Variants in ABI3BP observed in about 807,000 individuals in gnomAD.
ABI3BP encodes the protein target of Nesh-SH3.
In ABI3BP, 216 loss-of-function variants were observed where a neutral mutation model predicts 268.6. The ratio of observed to expected loss-of-function variants is 0.80; its 90% CI spans 0.72 to 0.90. The LOEUF is 0.90. ABI3BP is among the 40% of genes least tolerant of loss of function. The probability of loss-of-function intolerance (pLI) is 0.00; values close to 1 mark genes in which losing one functional copy is unlikely to be tolerated. For synonymous variants in ABI3BP, 730 were observed against 730.0 expected, an observed-to-expected ratio of 1.00 and a Z score of 0.00; for missense variants, 2,090 against 2,182.4, an observed-to-expected ratio of 0.96 and a Z score of 0.84.
chr3:100,848,855 T>C lies in ABI3BP; in HGVS notation c.1522A>G (p.Ile508Val), dbSNP rs1379195468. Residue 508 changes from isoleucine (I) to valine (V), a missense_variant, in exon 18 of 68, where the codon ATC becomes GTC. By Grantham distance (29) the Ile-to-Val change is conservative. Coordinates refer to ENST00000471714, the MANE Select transcript of ABI3BP (RefSeq NM_001375547.2). ...GGGCGTCGTTTAGGTGTAGAAGGGA[T>C]AGATGTAGTTTGCTGGGGAGCTGAA... ...TTPAPQQTTS[I>V]PSTPKRRPRP... The C allele has an allele frequency of 6.2e-7, 1 of 1,612,986 alleles. No homozygotes were observed. Among genetic ancestry groups the C allele is most frequent in the Non-Finnish European group, 8.5e-7 (1 of 1,179,306 alleles).
At chr3:100,816,386 G>T in intron 43 of ABI3BP, 1 of 507,394 alleles carries the variant, frequency 2.0e-6, no homozygotes. Context: ...ATGTTTCAAT[G>T]CAGATATAGC....
intron 17 of ABI3BP, 111 bp from the exon 18 acceptor site, chr3:100,848,986 T>C (rs147756704): frequency 2.8e-4 from 245 of 863,436 alleles, no homozygotes; most frequent in African/African-American, 2.1e-3. Context: ...TATTTCCTTG[T>C]ATCCTTAGAA....
chr3:100,844,220 A>G (rs529131238), intron 20 of ABI3BP: 3 of 985,438 alleles, frequency 3.0e-6, no homozygotes, highest in South Asian at 9.4e-5. Flanking sequence ...ACAATTTACA[A>G]TTCTATCCAC....
At chr3:100,898,937 G>A in intron 3 of ABI3BP, 43 bp from the exon 4 acceptor site, 1 of 1,545,876 alleles carries the variant, frequency 6.5e-7, no homozygotes, top group South Asian at 1.2e-5. Flanking sequence ...GAGACATTTA[G>A]TAAGTTGCCA....
At chr3:100,846,320 AC>A (rs2098767911) in intron 20 of ABI3BP, 51 bp downstream of exon 20, 1 of 1,209,706 alleles carries the variant, frequency 8.3e-7, no homozygotes, top group Non-Finnish European at 1.2e-6. Context: ...ATTGCAAAGA[AC>A]TTGTTTTCAA....
chr3:100,975,937 C>T (rs954290319), intron 1 of ABI3BP, among the ~76,000 whole-genome samples: 2 of 152,162 alleles, frequency 1.3e-5, no homozygotes, highest in African/African-American at 4.8e-5. Flanking sequence ...TCCTGACTGG[C>T]CGAGGAACTG....
At chr3:100,912,400 A>G (rs932845760) in intron 2 of ABI3BP, among the ~76,000 whole-genome samples, 9 of 151,878 alleles carry the variant, frequency 5.9e-5, no homozygotes, top group African/African-American at 2.2e-4. Context: ...AGTACCATTA[A>G]TTAGCAACTT....
In ABI3BP at chr3:100,840,863, G is replaced by C; in HGVS notation, c.1766-5C>G. 6.5e-7 allele frequency: 1 copy of C among 1,532,622 alleles called. No individual in the cohort carries two copies. Among genetic ancestry groups the C allele is most frequent in the Non-Finnish European group, 8.7e-7 (1 of 1,144,960 alleles). 94.9% of individuals were successfully genotyped at this position (1,532,622 alleles called of 1,614,324 possible). A position where few individuals can be genotyped will look rare whatever the true frequency, so the allele number is the denominator to read the frequency against. ...TGGTTCCTGGTGTTTCAGGTCCTAAGACAATGTGAAAAAATCACCAAGAAA... is the reference window on the plus strand; with the variant it reads ...TGGTTCCTGGTGTTTCAGGTCCTAACACAATGTGAAAAAATCACCAAGAAA... On this transcript the variant is annotated splice_region_variant and splice_polypyrimidine_tract_variant and intron_variant, in intron 21 of 67. Coordinates refer to ENST00000471714, the MANE Select transcript of ABI3BP (RefSeq NM_001375547.2).
At chr3:100,770,646 A>C in intron 62 of ABI3BP, 97 bp downstream of exon 62, 2 of 1,165,524 alleles carry the variant, frequency 1.7e-6, no homozygotes, top group South Asian at 2.7e-5. Context: ...CTCCCCAGGT[A>C]TGCTTCACAT....
At chr3:100,937,654 G>T (rs1418144626) in intron 1 of ABI3BP, among the ~76,000 whole-genome samples, 1 of 151,854 alleles carries the variant, frequency 6.6e-6, no homozygotes, top group African/African-American at 2.4e-5. Flanking sequence ...GTTTTAATAG[G>T]GTCTAATATT....
chr3:100,783,718 A>G (rs2096937726), intron 57 of ABI3BP, among the ~76,000 whole-genome samples: 1 of 152,172 alleles, frequency 6.6e-6, no homozygotes. Context: ...CAACGATTCA[A>G]CTCTGCCATA....
chr3:100,882,857 A>G (rs1038781119), intron 6 of ABI3BP, among the ~76,000 whole-genome samples: 32 of 152,190 alleles, frequency 2.1e-4, no homozygotes, highest in African/African-American at 7.5e-4. Context: ...GTCACATGAA[A>G]GGTTAAGCAT....
chr3:100,929,026 C>A (rs867044672), intron 1 of ABI3BP, among the ~76,000 whole-genome samples: 2 of 152,028 alleles, frequency 1.3e-5, no homozygotes, highest in African/African-American at 2.4e-5. Flanking sequence ...AGTTACTTCA[C>A]CCTGCTCAAT....
In ABI3BP at chr3:100,772,320, A is replaced by G. The variant is rs546005321; in HGVS notation, c.4532-1368T>C. Among the ~76,000 whole-genome samples the G allele has an allele frequency of 5.2e-5, 8 of 152,386 alleles. No individual in the cohort carries two copies. In the South Asian group the frequency reaches 1.7e-3, roughly 32 times the overall value. ...ACAAAGTGATGAAAAGCGCAGTGAC[A>G]GTAAACACATAGGTAACATACACAA... On this transcript the variant is annotated intron_variant, in intron 61 of 67. Coordinates refer to ENST00000471714, the MANE Select transcript of ABI3BP (RefSeq NM_001375547.2).
intron 1 of ABI3BP, among the ~76,000 whole-genome samples, chr3:100,983,954 A>G (rs2153967909): frequency 6.6e-6 from 1 of 152,344 alleles, no homozygotes; most frequent in South Asian, 2.1e-4. Context: ...AAAGCAGCAT[A>G]AAAGTAAAAA....
At position 100,838,477 on chromosome 3, in the gene ABI3BP, G is replaced by A; in HGVS notation, c.1946-13C>T. On this transcript the variant is annotated splice_polypyrimidine_tract_variant and intron_variant, in intron 24 of 67. Transcript: ENST00000471714. ...GATGGTTTTGAGGCTAAAGAAAAAG[G>A]TATTAAAATTACCACAATGGGTCAT... is the stretch of plus-strand genomic sequence containing the variant. 6.5e-7 allele frequency: 1 copy of A among 1,532,970 alleles called. No individual in the cohort carries two copies. Among genetic ancestry groups the A allele is most frequent in the South Asian group, 1.2e-5 (1 of 83,870 alleles). The allele number at this position is 1,532,970 out of a possible 1,614,324, so 95.0% of individuals were successfully genotyped here.
intron 2 of ABI3BP, among the ~76,000 whole-genome samples, chr3:100,912,397 T>C (rs921651249): frequency 1.3e-5 from 2 of 151,288 alleles, no homozygotes; most frequent in African/African-American, 4.9e-5. Context: ...AGCAGTACCA[T>C]TAATTAGCAA....
intron 63 of ABI3BP, among the ~76,000 whole-genome samples, chr3:100,765,629 C>G (rs761534654): frequency 6.6e-6 from 1 of 152,124 alleles, no homozygotes; most frequent in Admixed American, 6.5e-5. Context: ...ATTAACAAGA[C>G]CACCTTGTCA....
intron 1 of ABI3BP, among the ~76,000 whole-genome samples, chr3:100,961,486 A>G (rs1479688936): frequency 6.6e-6 from 1 of 152,190 alleles, no homozygotes. Context: ...GTCAGACACA[A>G]CAGTTGATGG....
Sources: gnomAD v4.1 joint callset for allele counts (sites outside exome capture counted in the v4.1 genomes callset) on GRCh38, gnomAD v4.1.1 for gene constraint, MANE v1.5 for transcripts, NCBI Gene and HGNC (gene_info 2026-07-23, HGNC 2026-07-21) for gene names.